The following CCSER1 variants were observed in gnomAD, a reference collection of about 807,000 sequenced individuals.
The protein encoded by CCSER1 is coiled-coil serine rich protein 1, also known as serine-rich coiled-coil domain-containing protein 1.
In CCSER1, 41 loss-of-function variants were observed where a neutral mutation model predicts 82.0. The observed-to-expected ratio is 0.50, with a 90% CI of 0.39 to 0.65. The LOEUF (loss-of-function observed/expected upper bound fraction) is 0.65. CCSER1 is among the 30% of genes least tolerant of loss of function. CCSER1 has a pLI of 0.00. For synonymous variants in CCSER1, 414 were observed against 383.9 expected (o/e 1.08, Z -0.92); for missense variants, 1,119 against 1,064.2 (o/e 1.05, Z -0.72).
intron 9 of CCSER1, among the ~76,000 whole-genome samples, chr4:91,053,014 C>T (rs1262138810): frequency 6.6e-6 from 1 of 151,972 alleles, no homozygotes; most frequent in Non-Finnish European, 1.5e-5. Flanking sequence ...ATATAAACCA[C>T]TAAAATGATG....
At chr4:90,751,401 A>T (rs540886188) in intron 7 of CCSER1, among the ~76,000 whole-genome samples, 115 of 152,226 alleles carry the variant, frequency 7.6e-4, no homozygotes, top group Admixed American at 1.9e-3. Context: ...GTTCTTATTC[A>T]GATTTAAATT....
At chr4:91,485,277 G>A (rs757387745) in intron 10 of CCSER1, among the ~76,000 whole-genome samples, 13 of 152,134 alleles carry the variant, frequency 8.5e-5, no homozygotes, top group Admixed American at 3.9e-4. Context: ...AGGACAAAGC[G>A]ATGATTTGGC....
intron 10 of CCSER1, among the ~76,000 whole-genome samples, chr4:91,538,522 T>C (rs1004759889): frequency 4.6e-5 from 7 of 151,276 alleles, no homozygotes; most frequent in Non-Finnish European, 8.8e-5. Context: ...TTAGAAAAAA[T>C]GAGGAAGCCA....
intron 8 of CCSER1, among the ~76,000 whole-genome samples, chr4:90,910,674 T>G (rs566228226): frequency 7.2e-5 from 11 of 152,336 alleles, no homozygotes; most frequent in African/African-American, 2.6e-4. Context: ...AAAATAAATA[T>G]GTTATCCAGA....
intron 10 of CCSER1, among the ~76,000 whole-genome samples, chr4:91,588,522 C>A (rs1764118539): frequency 6.6e-6 from 1 of 151,476 alleles, no homozygotes; most frequent in African/African-American, 2.4e-5. Context: ...TGTCTTATTC[C>A]TTATTTATAC....
intron 6 of CCSER1, among the ~76,000 whole-genome samples, chr4:90,698,213 TAA>T (rs1348461716): frequency 3.9e-5 from 6 of 152,236 alleles, no homozygotes; most frequent in Non-Finnish European, 8.8e-5. Context: ...TGATAAGAAT[TAA>T]AAGAGAAGTT....
chr4:90,908,045 G>A (rs1012207909), intron 8 of CCSER1, among the ~76,000 whole-genome samples: 2 of 151,982 alleles, frequency 1.3e-5, no homozygotes, highest in East Asian at 1.9e-4. Flanking sequence ...AGTATATAAG[G>A]AAGTGTGGAG....
At chr4:90,872,549 A>G (rs1322953647) in intron 8 of CCSER1, among the ~76,000 whole-genome samples, 1 of 151,804 alleles carries the variant, frequency 6.6e-6, no homozygotes, top group Admixed American at 6.6e-5. Context: ...TGTTGCTTTT[A>G]TTTATATCTT....
intron 10 of CCSER1, among the ~76,000 whole-genome samples, chr4:91,587,164 A>G (rs1238741177): frequency 6.6e-6 from 1 of 151,774 alleles, no homozygotes; most frequent in Admixed American, 6.6e-5. Context: ...TAGAGAATTC[A>G]TTTGGTACCT....
At chr4:91,360,277 C>T (rs1443551338) in intron 10 of CCSER1, among the ~76,000 whole-genome samples, 2 of 151,624 alleles carry the variant, frequency 1.3e-5, no homozygotes, top group African/African-American at 2.4e-5. Flanking sequence ...CTGGTAAACA[C>T]ATGATTGCAT....
chr4:91,197,891 C>CT (rs879373969), intron 10 of CCSER1, among the ~76,000 whole-genome samples: 190 of 147,968 alleles, frequency 1.3e-3, no homozygotes, highest in African/African-American at 1.3e-3. Flanking sequence ...AATGCTATAT[C>CT]TTTTTTTTTT....
At chr4:91,265,647 T>C (rs1741514055) in intron 10 of CCSER1, among the ~76,000 whole-genome samples, 1 of 151,674 alleles carries the variant, frequency 6.6e-6, no homozygotes, top group East Asian at 1.9e-4. Context: ...TCCTTCATAC[T>C]TTTTTTATTG....
rs201632181 is a variant in CCSER1, at chr4:91,113,682, TTTGAG to T, written c.2217+27691_2217+27695del. On this transcript the variant is annotated intron_variant, in intron 10 of 10. Transcript: ENST00000509176. The stretch of plus-strand genomic sequence containing the variant: ...GCTATCTAGGCACTCACACATACCC[TTTGAG>T]TTAAGAGTCAGTGACTTTGTTTCTA... 4.2e-3 allele frequency among the ~76,000 whole-genome samples: 642 copies of T among 152,264 alleles called. 10 individuals carry two copies. Among genetic ancestry groups the T allele is most frequent in the East Asian group, 0.04 (206 of 5,172 alleles).
chr4:91,296,243 C>T (rs974692362), intron 10 of CCSER1, among the ~76,000 whole-genome samples: 1 of 151,306 alleles, frequency 6.6e-6, no homozygotes, highest in Non-Finnish European at 1.5e-5. Flanking sequence ...AAAGAGAAAG[C>T]TCATTTTATT....
chr4:90,198,939 C>G (rs1737122849), intron 1 of CCSER1, among the ~76,000 whole-genome samples: 1 of 152,076 alleles, frequency 6.6e-6, no homozygotes. Flanking sequence ...TTGGCTACAA[C>G]TTTAAAACAA....
At chr4:90,510,212 T>A (rs1320670958) in intron 5 of CCSER1, among the ~76,000 whole-genome samples, 1 of 152,212 alleles carries the variant, frequency 6.6e-6, no homozygotes, top group East Asian at 1.9e-4. Flanking sequence ...TCATGCATTT[T>A]AAAACTCTAT....
chr4:90,481,742 C>T (rs1432852969), intron 5 of CCSER1, among the ~76,000 whole-genome samples: 2 of 152,146 alleles, frequency 1.3e-5, no homozygotes, highest in African/African-American at 4.8e-5. Flanking sequence ...GGTGGATAAG[C>T]TTTTTGATGT....
chr4:90,960,737 C>T (rs1331028240), intron 9 of CCSER1, among the ~76,000 whole-genome samples: 2 of 152,038 alleles, frequency 1.3e-5, no homozygotes, highest in Admixed American at 6.6e-5. Flanking sequence ...TCCTGATTCT[C>T]GACTCCTTGC....
At chr4:90,250,774 T>G (rs1722247421) in intron 1 of CCSER1, among the ~76,000 whole-genome samples, 1 of 152,062 alleles carries the variant, frequency 6.6e-6, no homozygotes, top group African/African-American at 2.4e-5. Flanking sequence ...TGACAAGGAT[T>G]GTGTTGAATC....
Sources: gnomAD v4.1 joint callset for allele counts (sites outside exome capture counted in the v4.1 genomes callset) on GRCh38, gnomAD v4.1.1 for gene constraint, MANE v1.5 for transcripts, NCBI Gene and HGNC (gene_info 2026-07-23, HGNC 2026-07-21) for gene names.